EPS8L2: variants seen among roughly 807,000 people sequenced by gnomAD.
The protein encoded by EPS8L2 is EPS8 signaling adaptor L2, also known as epidermal growth factor receptor kinase substrate 8-like protein 2.
In EPS8L2, 81 loss-of-function variants were observed where a neutral mutation model predicts 99.4. That is an observed-to-expected ratio of 0.82 (90% confidence interval 0.68 to 0.98). EPS8L2 has a LOEUF of 0.98. Ranked by LOEUF, EPS8L2 falls within the 50% of genes least tolerant of loss-of-function variation. EPS8L2 has a pLI of 0.00. For missense variants in EPS8L2, 1,155 were observed against 968.8 expected, an observed-to-expected ratio of 1.19 and a Z score of -2.55; for synonymous variants, 509 against 407.3, an observed-to-expected ratio of 1.25 and a Z score of -3.01.
intron 10 of EPS8L2, 89 bp from the exon 11 acceptor site, chr11:721,811 TCCA>T: frequency 6.6e-7 from 1 of 1,509,904 alleles, no homozygotes; most frequent in Non-Finnish European, 9.1e-7. Flanking sequence ...TGGAGGAAGG[TCCA>T]GCCCACACAG....
intron 4 of EPS8L2, among the ~76,000 whole-genome samples, chr11:715,768 C>T (rs1232628898): frequency 6.8e-6 from 1 of 147,784 alleles, no homozygotes; most frequent in African/African-American, 2.5e-5. Flanking sequence ...CTACAGGTGC[C>T]CACCACCACG....
intron 15 of EPS8L2, among the ~76,000 whole-genome samples, chr11:723,958 A>C (rs1168326938): frequency 6.6e-6 from 1 of 152,188 alleles, no homozygotes; most frequent in East Asian, 1.9e-4. Context: ...CTTCTAAGCA[A>C]GCATGGCCTC....
chr11:722,812 G>A lies in EPS8L2; in HGVS notation c.1341+7G>A, dbSNP rs774187187. 4 of 1,543,360 alleles carry A rather than the reference G, an allele frequency of 2.6e-6. No homozygotes were observed. Among genetic ancestry groups the A allele is most frequent in the South Asian group, 1.2e-5 (1 of 83,144 alleles). ...GTCTGCCCCCATCGAGGAGGTGAGAGCACCAGCAGCCCCCATCCCTACCCC... is the reference window on the plus strand; with the variant it reads ...GTCTGCCCCCATCGAGGAGGTGAGAACACCAGCAGCCCCCATCCCTACCCC... On this transcript the variant is annotated splice_region_variant and intron_variant, in intron 14 of 20. Transcript: ENST00000318562.
chr11:723,509 C>G (rs574481138), intron 15 of EPS8L2, among the ~76,000 whole-genome samples, 156 bp downstream of exon 15: 2 of 152,224 alleles, frequency 1.3e-5, no homozygotes, highest in African/African-American at 4.8e-5. Flanking sequence ...TTCATTTCAA[C>G]TGCATGATAT....
Position 718,304 on chromosome 11 carries a change from G to C in EPS8L2, c.166-1758G>C, listed in dbSNP as rs952085684. On this transcript the variant is annotated intron_variant, in intron 4 of 20. Transcript: ENST00000318562. Reference sequence around the variant, plus strand: ...GCCAAGATCACACCACTGCATTCCAGCCTGGGGGACAGAGCGAGACTGTCT... The same window carrying C: ...GCCAAGATCACACCACTGCATTCCACCCTGGGGGACAGAGCGAGACTGTCT... Among the ~76,000 whole-genome samples the C allele has an allele frequency of 1.8e-4, 28 of 152,106 alleles. 1 individual carries two copies. Among genetic ancestry groups the C allele is most frequent in the Admixed American group, 1.4e-3 (21 of 15,268 alleles).
chr11:721,118 C>G lies in EPS8L2; in HGVS notation c.612C>G (p.Gly204=). The G allele has an allele frequency of 3.3e-6, 5 of 1,534,674 alleles. No homozygotes were observed. Among genetic ancestry groups the G allele is most frequent in the Non-Finnish European group, 4.4e-6 (5 of 1,142,944 alleles). The change falls in exon 8 of 21, where the codon GGC becomes GGG. Residue 204 remains glycine, a synonymous_variant. Coordinates refer to ENST00000318562, the MANE Select transcript of EPS8L2 (RefSeq NM_022772.4). ...AGTCCATCCTGCCTCCTCCCCAGGG[C>G]CCGGCGCCCATCCCCTTCCAGCACC... ...QRQSILPPPQ[G]PAPIPFQHRG...
intron 7 of EPS8L2, 75 bp from the exon 8 acceptor site, chr11:720,989 A>AGGGGAGGAGCCCGGCAGGGGT: frequency 2.1e-6 from 3 of 1,420,462 alleles, no homozygotes; most frequent in African/African-American, 1.5e-5. Flanking sequence ...CCGGCAGGGG[A>AGGGGAGGAGCCCGGCAGGGGT]GGGGAGGAGC....
At chr11:707,862 C>T (rs1449967294) in intron 1 of EPS8L2, among the ~76,000 whole-genome samples, 1 of 152,148 alleles carries the variant, frequency 6.6e-6, no homozygotes, top group Non-Finnish European at 1.5e-5. Flanking sequence ...TGCCTGGACA[C>T]ACGTGCCTGG....
At position 718,928 on chromosome 11, in the gene EPS8L2, A is replaced by T. The variant is rs1179093055; in HGVS notation, c.166-1134A>T. 5.6e-5 allele frequency among the ~76,000 whole-genome samples: 8 copies of T among 142,822 alleles called. No homozygotes were observed. The East Asian group carries it at 1.7e-3, about 30-fold the overall frequency. 93.7% of individuals were successfully genotyped at this position (142,822 alleles called of 152,430 possible). On this transcript the variant is annotated intron_variant, in intron 4 of 20. Coordinates refer to ENST00000318562, the MANE Select transcript of EPS8L2 (RefSeq NM_022772.4). ...TGTGATCCACCCGCCTCGGCCTCCC[A>T]AAGTGCTAGGATTACAGGCATGAGC...
chr11:710,582 A>T, intron 4 of EPS8L2, 96 bp downstream of exon 4: 1 of 1,211,414 alleles, frequency 8.3e-7, no homozygotes, highest in Non-Finnish European at 1.2e-6. Flanking sequence ...TAAAATAATT[A>T]GACGGGCATG....
At chr11:718,063 T>C (rs1413113822) in intron 4 of EPS8L2, among the ~76,000 whole-genome samples, 1 of 151,762 alleles carries the variant, frequency 6.6e-6, no homozygotes, top group African/African-American at 2.4e-5. Context: ...CTGGGCATGG[T>C]GGCTCACGCC....
intron 11 of EPS8L2, 31 bp from the exon 12 acceptor site, chr11:722,060 C>A: frequency 6.2e-7 from 1 of 1,611,166 alleles, no homozygotes; most frequent in South Asian, 1.1e-5. Context: ...CCGCCCCGCC[C>A]CGGCACCTGC....
Position 717,805 on chromosome 11 carries a change from G to C in EPS8L2, c.166-2257G>C, listed in dbSNP as rs543635520. 1.7e-4 allele frequency among the ~76,000 whole-genome samples: 26 copies of C among 149,082 alleles called. No individual in the cohort carries two copies. In the South Asian group the frequency reaches 2.6e-3, roughly 15 times the overall value. On this transcript the variant is annotated intron_variant, in intron 4 of 20. Transcript: ENST00000318562. ...CGGGCAGATCACAAGGTCAGGAGATGGAGACCATCCTGGCTAATATGGTGA... is the reference window on the plus strand; with the variant it reads ...CGGGCAGATCACAAGGTCAGGAGATCGAGACCATCCTGGCTAATATGGTGA...
rs770398914 is a variant in EPS8L2, at chr11:722,700, G to A, written c.1236G>A (p.Val412=). The change falls in exon 14 of 21, where the codon GTG becomes GTA. Residue 412 remains valine, a synonymous_variant. Coordinates refer to ENST00000318562, the MANE Select transcript of EPS8L2 (RefSeq NM_022772.4). ...CCGAGTGGCCGCGGGAGCCACAGGT[G>A]CCCCTCTACGTGCCCAAGTTCCACA... ...PRSEWPREPQ[V]PLYVPKFHSG... 5 of 1,608,714 alleles carry A rather than the reference G, an allele frequency of 3.1e-6. No homozygotes were observed. The highest frequency in any genetic ancestry group is 1.7e-4 in the Middle Eastern group (1 of 6,054).
chr11:725,616 C>T, intron 16 of EPS8L2, 112 bp from the exon 17 acceptor site: 1 of 1,029,666 alleles, frequency 9.7e-7, no homozygotes, highest in Non-Finnish European at 1.2e-6. Context: ...TGGAGCGAAG[C>T]GGGGCTCCGG....
At position 721,952 on chromosome 11, in the gene EPS8L2, C is replaced by A. The variant is rs780739584; in HGVS notation, c.945C>A (p.Ile315=). Residue 315 remains isoleucine, a synonymous_variant, in exon 11 of 21, where the codon ATC becomes ATA. Transcript: ENST00000318562. ...RARPPSEGEF[I]DCFQKIKLAI... is the part of the protein sequence containing the mutation. ...GGCCCCCCTCTGAGGGCGAGTTCAT[C>A]GACTGCTTCCAGAAAATCAAGCTGG... 2 of 1,602,006 alleles carry A rather than the reference C, an allele frequency of 1.2e-6. No individual in the cohort carries two copies. The highest frequency in any genetic ancestry group is 1.7e-6 in the Non-Finnish European group (2 of 1,174,584).
intron 4 of EPS8L2, among the ~76,000 whole-genome samples, chr11:719,090 C>T (rs1008500989): frequency 4.0e-5 from 6 of 151,248 alleles, no homozygotes; most frequent in South Asian, 2.1e-4. Flanking sequence ...CTCAGCCTCC[C>T]GAGTAGCTGG....
Position 709,740 on chromosome 11 carries a change from C to T in EPS8L2, c.100+132C>T, listed in dbSNP as rs1265288964. On this transcript the variant is annotated intron_variant, in intron 3 of 20. Coordinates refer to ENST00000318562, the MANE Select transcript of EPS8L2 (RefSeq NM_022772.4). Reference sequence around the variant, plus strand: ...GGGGATCTCCGGGTGCCCAGGGAGGCCTCTGGACCCTAATCAACCTTCCGA... The same window carrying T: ...GGGGATCTCCGGGTGCCCAGGGAGGTCTCTGGACCCTAATCAACCTTCCGA... The T allele has an allele frequency of 3.8e-5, 39 of 1,014,606 alleles. No homozygotes were observed. In the South Asian group the frequency reaches 5.5e-4, roughly 14 times the overall value. 62.9% of individuals were successfully genotyped at this position (1,014,606 alleles called of 1,614,324 possible). A position where few individuals can be genotyped will look rare whatever the true frequency, so the allele number is the denominator to read the frequency against.
In EPS8L2 at chr11:720,337, C is replaced by A. The variant is rs542181364; in HGVS notation, c.327+114C>A. The stretch of plus-strand genomic sequence containing the variant: ...CTCTGCAGGGCCGGCCATGCCCTAT[C>A]ATTCTGGTCCCTGGAAGAGGATGGG... On this transcript the variant is annotated intron_variant, in intron 5 of 20. Transcript: ENST00000318562. The A allele has an allele frequency of 9.0e-6, 11 of 1,215,500 alleles. No individual in the cohort carries two copies. The East Asian group carries it at 2.2e-4, about 25-fold the overall frequency. The allele number at this position is 1,215,500 out of a possible 1,614,324, so 75.3% of individuals were successfully genotyped here. A position where few individuals can be genotyped will look rare whatever the true frequency, so the allele number is the denominator to read the frequency against.
Sources: allele counts gnomAD v4.1 joint callset (sites outside exome capture counted in the v4.1 genomes callset), GRCh38; gene constraint gnomAD v4.1.1; transcripts MANE v1.5; gene names NCBI Gene and HGNC (gene_info 2026-07-23, HGNC 2026-07-21).